Variants in COMMD10 observed in about 807,000 individuals in gnomAD.
The protein encoded by COMMD10 is COMM domain containing 10.
A neutral mutation model predicts 28.9 loss-of-function variants in COMMD10; 33 were observed. The ratio of observed to expected loss-of-function variants is 1.14; its 90% CI spans 0.87 to 1.53. The LOEUF (loss-of-function observed/expected upper bound fraction) is 1.53. Among genes scored for constraint, COMMD10 ranks in the 40% most tolerant of loss-of-function variants. The pLI is 0.00. For missense variants in COMMD10, 310 were observed against 233.4 expected, an observed-to-expected ratio of 1.33 and a Z score of -2.14; for synonymous variants, 110 against 81.7, an observed-to-expected ratio of 1.35 and a Z score of -1.87.
At chr5:116,164,059 G>A (rs904933789) in intron 5 of COMMD10, among the ~76,000 whole-genome samples, 5 of 152,146 alleles carry the variant, frequency 3.3e-5, no homozygotes, top group African/African-American at 9.7e-5. Flanking sequence ...GCTCACGTCT[G>A]TAATCCCAGC....
chr5:116,240,499 T>C (rs1452772045), intron 5 of COMMD10, among the ~76,000 whole-genome samples: 1 of 152,202 alleles, frequency 6.6e-6, no homozygotes, highest in African/African-American at 2.4e-5. Flanking sequence ...TGCTTTCTAG[T>C]CAAATATTTA....
chr5:116,184,588 C>CA (rs1748079332), intron 5 of COMMD10, among the ~76,000 whole-genome samples: 1 of 151,908 alleles, frequency 6.6e-6, no homozygotes, highest in Non-Finnish European at 1.5e-5. Context: ...TAATGAACAC[C>CA]AAACCTAAAA....
At position 116,286,983 on chromosome 5, in the gene COMMD10, A is replaced by G. The variant is rs192819420; in HGVS notation, c.511-4534A>G. Among the ~76,000 whole-genome samples the G allele has an allele frequency of 1.9e-3, 291 of 151,920 alleles. 1 individual carries two copies. Among genetic ancestry groups the G allele is most frequent in the Non-Finnish European group, 2.9e-3 (195 of 67,930 alleles). ...TCCTACTATTATTGTGTTGTTGTCA[A>G]ATTTCTTCAATCCTGCCAAAGTTTG... is the stretch of plus-strand genomic sequence containing the variant. On this transcript the variant is annotated intron_variant, in intron 5 of 6. Transcript: ENST00000274458.
At chr5:116,193,938 T>A (rs1215860382) in intron 5 of COMMD10, among the ~76,000 whole-genome samples, 2 of 152,080 alleles carry the variant, frequency 1.3e-5, no homozygotes, top group Non-Finnish European at 2.9e-5. Flanking sequence ...CTCAATAAAT[T>A]TAAGAAAACT....
intron 4 of COMMD10, among the ~76,000 whole-genome samples, chr5:116,121,731 G>A (rs1751442215): frequency 6.6e-6 from 1 of 152,226 alleles, no homozygotes; most frequent in Non-Finnish European, 1.5e-5. Flanking sequence ...CTGATGGCCA[G>A]TGATGATGAG....
At chr5:116,129,222 T>C (rs1199640371) in intron 4 of COMMD10, among the ~76,000 whole-genome samples, 2 of 151,254 alleles carry the variant, frequency 1.3e-5, no homozygotes, top group African/African-American at 4.8e-5. Flanking sequence ...ATATATTCTT[T>C]ATCCTGATTC....
chr5:116,133,806 T>C (rs1267358635), intron 4 of COMMD10, among the ~76,000 whole-genome samples: 2 of 152,204 alleles, frequency 1.3e-5, no homozygotes, highest in African/African-American at 4.8e-5. Context: ...TTTCATTGCT[T>C]GGTATTAGAA....
chr5:116,096,907 A>T (rs1002916005), intron 4 of COMMD10, among the ~76,000 whole-genome samples: 20 of 151,962 alleles, frequency 1.3e-4, no homozygotes, highest in African/African-American at 3.9e-4. Flanking sequence ...TTTCATTTTT[A>T]AAAAAAATTC....
chr5:116,116,051 C>G (rs1371268110), intron 4 of COMMD10, among the ~76,000 whole-genome samples: 1 of 152,044 alleles, frequency 6.6e-6, no homozygotes, highest in Non-Finnish European at 1.5e-5. Context: ...AAGTACATGG[C>G]AGATTTTCCA....
chr5:116,169,918 A>C (rs1421580141), intron 5 of COMMD10, among the ~76,000 whole-genome samples: 2 of 152,168 alleles, frequency 1.3e-5, no homozygotes, highest in Non-Finnish European at 1.5e-5. Context: ...ATTTTCTTTG[A>C]AAACCGGCAG....
intron 4 of COMMD10, among the ~76,000 whole-genome samples, chr5:116,117,356 C>A (rs925786781): frequency 2.0e-5 from 3 of 152,202 alleles, no homozygotes; most frequent in African/African-American, 7.2e-5. Flanking sequence ...TTAGTCTCTC[C>A]ATGCTACATG....
At chr5:116,164,497 C>T (rs1753027610) in intron 5 of COMMD10, among the ~76,000 whole-genome samples, 1 of 152,034 alleles carries the variant, frequency 6.6e-6, no homozygotes, top group African/African-American at 2.4e-5. Context: ...AGTGAGCATG[C>T]CTTTGTTGTC....
intron 5 of COMMD10, among the ~76,000 whole-genome samples, chr5:116,247,123 GA>G (rs1182955923): frequency 6.7e-6 from 1 of 149,984 alleles, no homozygotes; most frequent in African/African-American, 2.5e-5. Context: ...AATTTCCAAA[GA>G]AAAAAACAAA....
chr5:116,263,945 T>C (rs1474756572), intron 5 of COMMD10, among the ~76,000 whole-genome samples: 1 of 151,816 alleles, frequency 6.6e-6, no homozygotes, highest in African/African-American at 2.4e-5. Context: ...TGGCTCAGAA[T>C]AAATCTCTTC....
At chr5:116,264,527 G>A (rs1341588550) in intron 5 of COMMD10, among the ~76,000 whole-genome samples, 1 of 151,760 alleles carries the variant, frequency 6.6e-6, no homozygotes, top group Non-Finnish European at 1.5e-5. Context: ...TCTGTTATTG[G>A]ATGATGCGAG....
At chr5:116,166,927 C>G (rs1315373102) in intron 5 of COMMD10, among the ~76,000 whole-genome samples, 2 of 151,974 alleles carry the variant, frequency 1.3e-5, no homozygotes, top group South Asian at 2.1e-4. Context: ...TTCCCTAAAC[C>G]AGAATGCCCA....
chr5:116,106,619 A>G (rs929452373), intron 4 of COMMD10, among the ~76,000 whole-genome samples: 1 of 152,130 alleles, frequency 6.6e-6, no homozygotes, highest in African/African-American at 2.4e-5. Flanking sequence ...GTGGTAGTCT[A>G]AGTCTCTTTG....
intron 5 of COMMD10, among the ~76,000 whole-genome samples, chr5:116,233,368 G>T (rs1225029569): frequency 1.3e-5 from 2 of 151,876 alleles, no homozygotes; most frequent in African/African-American, 4.8e-5. Flanking sequence ...TATATATAAG[G>T]GTCAGTGCTA....
At chr5:116,173,658 T>C (rs563832553) in intron 5 of COMMD10, among the ~76,000 whole-genome samples, 3 of 152,250 alleles carry the variant, frequency 2.0e-5, no homozygotes, top group South Asian at 4.1e-4. Flanking sequence ...CCAAAAGTTA[T>C]GGTCTGTTCT....
Sources: gnomAD v4.1 joint callset for allele counts (sites outside exome capture counted in the v4.1 genomes callset) on GRCh38, gnomAD v4.1.1 for gene constraint, MANE v1.5 for transcripts, NCBI Gene and HGNC (gene_info 2026-07-23, HGNC 2026-07-21) for gene names.